The following ANO1 variants were observed in gnomAD, a reference collection of about 807,000 sequenced individuals.
The protein encoded by ANO1 is anoctamin 1, also known as anoctamin-1.
A neutral mutation model predicts 124.0 loss-of-function variants in ANO1; 59 were observed. The observed-to-expected ratio is 0.48, with a 90% CI of 0.39 to 0.59. ANO1 has a LOEUF of 0.59. Ranked by LOEUF, ANO1 falls within the 20% of genes least tolerant of loss-of-function variation. The probability of loss-of-function intolerance (pLI) is 0.00; values close to 1 mark genes in which losing one functional copy is unlikely to be tolerated. For synonymous variants in ANO1, 529 were observed against 532.0 expected (o/e 0.99, Z 0.08); for missense variants, 1,059 against 1,328.0 (o/e 0.80, Z 3.15).
chr11:70,152,352 A>C, intron 12 of ANO1, 98 bp from the exon 13 acceptor site: 1 of 1,045,660 alleles, frequency 9.6e-7, no homozygotes, highest in Non-Finnish European at 1.4e-6. Flanking sequence ...AAAAAAAAAA[A>C]AAAAAGTTGT....
chr11:69,994,270 A>AT (rs1856218092), intron 1 of ANO1, among the ~76,000 whole-genome samples: 1 of 152,104 alleles, frequency 6.6e-6, no homozygotes, highest in Non-Finnish European at 1.5e-5. Flanking sequence ...TAAAGAAGTG[A>AT]TTTTAAGCAT....
chr11:70,169,109 C>A (rs1368411820), intron 21 of ANO1, among the ~76,000 whole-genome samples: 1 of 152,170 alleles, frequency 6.6e-6, no homozygotes, highest in African/African-American at 2.4e-5. Context: ...CACAGGAAAC[C>A]CTAGGGAGAA....
rs564360268 is a variant in ANO1, at chr11:70,042,996, A to G, written c.59-35546A>G. Among the ~76,000 whole-genome samples the G allele has an allele frequency of 7.9e-5, 12 of 152,380 alleles. No individual in the cohort carries two copies. The South Asian group carries it at 2.3e-3, about 29-fold the overall frequency. On this transcript the variant is annotated intron_variant, in intron 1 of 27. Transcript: ENST00000531349. The stretch of plus-strand genomic sequence containing the variant: ...CAGGCAAGCAAAGAAGTGAGAGAAT[A>G]TGACACATAACTAAAAGAAAAAATA...
chr11:69,975,815 A>C, the ANO1 span, among the ~76,000 whole-genome samples: 1 of 152,220 alleles, frequency 6.6e-6, no homozygotes, highest in Non-Finnish European at 1.5e-5. Context: ...GCTGGTCCAG[A>C]ATCCCATTGA....
At chr11:70,047,682 C>T (rs572506885) in intron 1 of ANO1, among the ~76,000 whole-genome samples, 1 of 152,304 alleles carries the variant, frequency 6.6e-6, no homozygotes, top group South Asian at 2.1e-4. Context: ...CTTCTCATGA[C>T]ACTCTAAAAT....
At chr11:69,977,630 G>A in the ANO1 span, among the ~76,000 whole-genome samples, 1 of 152,226 alleles carries the variant, frequency 6.6e-6, no homozygotes, top group Non-Finnish European at 1.5e-5. Flanking sequence ...GATCCAATGC[G>A]TCCTAAGGGG....
chr11:70,093,955 G>T (rs1369185477), intron 2 of ANO1, among the ~76,000 whole-genome samples: 1 of 152,230 alleles, frequency 6.6e-6, no homozygotes, highest in Non-Finnish European at 1.5e-5. Flanking sequence ...GAGCAACCCT[G>T]GGCAAGTGGC....
At chr11:70,006,787 G>T (rs1356403286) in intron 1 of ANO1, among the ~76,000 whole-genome samples, 1 of 143,776 alleles carries the variant, frequency 7.0e-6, no homozygotes, top group Non-Finnish European at 1.5e-5. Context: ...CTCCTGCCTC[G>T]ACCTCCCAAG....
rs779497675 is a variant in ANO1, at chr11:70,171,035, C to T, written c.2346C>T (p.Asp782=). The T allele has an allele frequency of 7.4e-6, 12 of 1,611,778 alleles. No homozygotes were observed. The highest frequency in any genetic ancestry group is 1.0e-5 in the Non-Finnish European group (12 of 1,178,998). ...GGCCGGTAGCTGTCAGAGCCAAAGA[C>T]ATCGGTGAGTGACCCCACGGGCCGG... ...LRRPVAVRAK[D]IGIWYNILRG... is the part of the protein sequence containing the mutation. Residue 782 remains aspartate (D), a synonymous_variant, in exon 22 of 26, where the codon GAC becomes GAT. Coordinates refer to ENST00000355303, the MANE Select transcript of ANO1 (RefSeq NM_018043.7).
intron 21 of ANO1, among the ~76,000 whole-genome samples, chr11:70,167,810 C>A (rs1229641179): frequency 6.6e-6 from 1 of 152,184 alleles, no homozygotes; most frequent in Non-Finnish European, 1.5e-5. Context: ...GAGGGCCCGG[C>A]CCTGCTAAGC....
intron 1 of ANO1, among the ~76,000 whole-genome samples, chr11:70,036,586 GGTTT>G (rs1390049767): frequency 6.6e-6 from 1 of 151,922 alleles, no homozygotes; most frequent in African/African-American, 2.4e-5. Flanking sequence ...GACTGTGTGT[GGTTT>G]GTTTGTGTTT....
In ANO1 at chr11:70,115,885, G is replaced by T. The variant is rs146429139; in HGVS notation, c.856-573G>T. ...CCCTTCTCTTCCTTTAGGTTTGAAG[G>T]TCTGGATCCAAGTCAGGGTCTGACC... On this transcript the variant is annotated intron_variant, in intron 7 of 25. Coordinates refer to ENST00000355303, the MANE Select transcript of ANO1 (RefSeq NM_018043.7). Among the ~76,000 whole-genome samples, 4 of 152,262 alleles carry T rather than the reference G, an allele frequency of 2.6e-5. No homozygotes were observed. The East Asian group carries it at 7.8e-4, about 30-fold the overall frequency.
chr11:70,121,916 A>G (rs61728528), intron 8 of ANO1, among the ~76,000 whole-genome samples: 5 of 61,722 alleles, frequency 8.1e-5, no homozygotes, highest in Non-Finnish European at 1.2e-4. Context: ...CTGTCTCTCT[A>G]TCTCTGTCTC....
At chr11:70,103,866 C>T (rs2045377951) in intron 3 of ANO1, 133 bp from the exon 4 acceptor site, 2 of 974,324 alleles carry the variant, frequency 2.1e-6, no homozygotes, top group Admixed American at 2.9e-5. Context: ...GCATTCTGGC[C>T]CACCCAGGTG....
At chr11:70,029,588 C>G (rs902871) in intron 1 of ANO1, among the ~76,000 whole-genome samples, 115,682 of 152,214 alleles carry the variant, frequency 0.76, 44,337 homozygotes, top group East Asian at 0.94. Flanking sequence ...GTCACGGCCA[C>G]GGCACAGGCC....
intron 2 of ANO1, among the ~76,000 whole-genome samples, chr11:70,091,121 C>G (rs984866461): frequency 2.0e-5 from 3 of 152,288 alleles, no homozygotes; most frequent in African/African-American, 7.2e-5. Flanking sequence ...TGTGTGGGCC[C>G]CTGCCAGCGT....
the ANO1 span, among the ~76,000 whole-genome samples, chr11:69,978,928 G>A: frequency 0.075 from 11,417 of 152,196 alleles, 754 homozygotes; most frequent in Admixed American, 0.14. Context: ...TCTTGGCATT[G>A]GTGCTATTTA....
At chr11:69,974,315 G>C in the ANO1 span, among the ~76,000 whole-genome samples, 2,056 of 152,202 alleles carry the variant, frequency 0.014, 174 homozygotes, top group East Asian at 0.22. Context: ...ACAGAGCCAG[G>C]CTCTGTCTCA....
intron 1 of ANO1, among the ~76,000 whole-genome samples, chr11:70,062,720 C>G (rs1439854595): frequency 6.6e-6 from 1 of 152,150 alleles, no homozygotes; most frequent in Non-Finnish European, 1.5e-5. Context: ...CCCAAACCTG[C>G]CTGTCCTCTG....
Sources: allele counts gnomAD v4.1 joint callset (sites outside exome capture counted in the v4.1 genomes callset), GRCh38; gene constraint gnomAD v4.1.1; transcripts MANE v1.5; gene names NCBI Gene and HGNC (gene_info 2026-07-23, HGNC 2026-07-21).